Variants in TMCO5A observed in about 807,000 individuals in gnomAD.
The protein encoded by TMCO5A is transmembrane and coiled-coil domains 5A, also known as transmembrane and coiled-coil domain-containing protein 5A.
Under a neutral mutation model 42.3 loss-of-function variants are expected in TMCO5A, and 34 were observed. That is an observed-to-expected ratio of 0.80 (90% CI 0.61 to 1.07). The LOEUF is 1.07. Among genes scored for constraint, TMCO5A ranks in the 50% least tolerant of loss-of-function variants. The pLI, the probability that TMCO5A is intolerant of heterozygous loss-of-function variation, is 0.00. For synonymous variants in TMCO5A, 131 were observed against 115.6 expected (o/e 1.13, Z -0.86); for missense variants, 357 against 327.9 (o/e 1.09, Z -0.69).
chr15:37,989,935 A>G, the TMCO5A span, among the ~76,000 whole-genome samples: 1 of 152,100 alleles, frequency 6.6e-6, no homozygotes, highest in Non-Finnish European at 1.5e-5. Context: ...CCACTTCTCA[A>G]CACTGCCAAG....
At chr15:37,940,418 C>T (rs1008391968) in intron 6 of TMCO5A, among the ~76,000 whole-genome samples, 1 of 152,174 alleles carries the variant, frequency 6.6e-6, no homozygotes, top group African/African-American at 2.4e-5. Flanking sequence ...GAACATATTT[C>T]TTCCAAATCT....
intron 11 of TMCO5A, among the ~76,000 whole-genome samples, chr15:37,961,396 C>T (rs571992778): frequency 6.6e-6 from 1 of 152,224 alleles, no homozygotes; most frequent in Admixed American, 6.5e-5. Context: ...TTCCATTGGT[C>T]TATGTGCCTA....
intron 11 of TMCO5A, among the ~76,000 whole-genome samples, chr15:37,950,562 T>C (rs1164485507): frequency 6.6e-6 from 1 of 152,156 alleles, no homozygotes; most frequent in Non-Finnish European, 1.5e-5. Flanking sequence ...CCAATAAACC[T>C]ATAACAGATG....
intron 6 of TMCO5A, among the ~76,000 whole-genome samples, chr15:37,940,694 C>T (rs1889701027): frequency 6.6e-6 from 1 of 152,076 alleles, no homozygotes; most frequent in South Asian, 2.1e-4. Context: ...CCACCTGATA[C>T]ACACATGCTT....
At chr15:37,999,897 T>C in the TMCO5A span, among the ~76,000 whole-genome samples, 1 of 152,204 alleles carries the variant, frequency 6.6e-6, no homozygotes, top group Non-Finnish European at 1.5e-5. Context: ...CTGAATGATC[T>C]GTCTAATGTG....
At chr15:37,955,040 G>C (rs1043197890), downstream of TMCO5A, among the ~76,000 whole-genome samples, 4 of 151,686 alleles carry the variant, frequency 2.6e-5, no homozygotes, top group Non-Finnish European at 4.4e-5. Flanking sequence ...AGAAGGAAGA[G>C]AAGACCACAA....
intron 1 of TMCO5A, among the ~76,000 whole-genome samples, chr15:37,934,947 T>C (rs1889462265): frequency 6.6e-6 from 1 of 152,170 alleles, no homozygotes. Flanking sequence ...TATCTCTATT[T>C]CTTTATATTG....
chr15:37,998,385 G>A, the TMCO5A span, among the ~76,000 whole-genome samples: 4 of 152,182 alleles, frequency 2.6e-5, no homozygotes, highest in Non-Finnish European at 5.9e-5. Flanking sequence ...TATATAGCAA[G>A]AGATAGGGAT....
chr15:38,003,369 A>C, the TMCO5A span, among the ~76,000 whole-genome samples: 1 of 152,254 alleles, frequency 6.6e-6, no homozygotes, highest in South Asian at 2.1e-4. Flanking sequence ...GGTCTCACTC[A>C]AGGCCCGCAG....
chr15:37,983,390 A>G, the TMCO5A span, among the ~76,000 whole-genome samples: 1 of 152,240 alleles, frequency 6.6e-6, no homozygotes, highest in African/African-American at 2.4e-5. Context: ...ATATGCCTGT[A>G]TCTGGCCCCA....
chr15:38,016,170 A>T, the TMCO5A span, among the ~76,000 whole-genome samples: 1 of 152,180 alleles, frequency 6.6e-6, no homozygotes, highest in Non-Finnish European at 1.5e-5. Flanking sequence ...GGCAGGGGCT[A>T]TATGGGAAAT....
chr15:37,977,028 T>C, the TMCO5A span, among the ~76,000 whole-genome samples: 30 of 152,118 alleles, frequency 2.0e-4, no homozygotes, highest in Non-Finnish European at 4.3e-4. Context: ...CACCTTGGCC[T>C]CCCAAAGTGC....
the TMCO5A span, chr15:37,994,478 A>T: frequency 6.6e-6 from 1 of 152,198 alleles, no homozygotes; most frequent in African/African-American, 2.4e-5. Context: ...GTTAAAAAAG[A>T]TTATGCTAAA....
the TMCO5A span, among the ~76,000 whole-genome samples, chr15:38,031,051 C>T: frequency 6.6e-6 from 1 of 152,136 alleles, no homozygotes; most frequent in Non-Finnish European, 1.5e-5. Flanking sequence ...CATATCCTGG[C>T]ATATCAAAGC....
intron 5 of TMCO5A, 45 bp from the exon 6 acceptor site, chr15:37,938,113 C>T (rs1343882987): frequency 6.7e-7 from 1 of 1,499,166 alleles, no homozygotes. Flanking sequence ...AAGTCTTTGC[C>T]TTCTACACCT....
chr15:37,994,262 C>T, the TMCO5A span, among the ~76,000 whole-genome samples: 1 of 152,020 alleles, frequency 6.6e-6, no homozygotes, highest in Non-Finnish European at 1.5e-5. Context: ...CCTCCATTAG[C>T]AGGCTTCCAG....
intron 8 of TMCO5A, among the ~76,000 whole-genome samples, 169 bp downstream of exon 8, chr15:37,941,899 T>C (rs1271590611): frequency 6.6e-6 from 1 of 152,076 alleles, no homozygotes. Context: ...ATCACTCTAT[T>C]TGTCTTTGTC....
intron 7 of TMCO5A, 83 bp from the exon 8 acceptor site, chr15:37,941,588 T>C: frequency 9.8e-7 from 1 of 1,016,628 alleles, no homozygotes; most frequent in Non-Finnish European, 1.6e-6. Context: ...ATTTAGGACC[T>C]GGGACCCAAG....
the TMCO5A span, among the ~76,000 whole-genome samples, chr15:37,977,550 G>C: frequency 6.6e-6 from 1 of 152,140 alleles, no homozygotes; most frequent in Non-Finnish European, 1.5e-5. Context: ...CAGTAGATAC[G>C]CTCTTGCTTA....
Sources: gnomAD v4.1 joint callset for allele counts (sites outside exome capture counted in the v4.1 genomes callset) on GRCh38, gnomAD v4.1.1 for gene constraint, MANE v1.5 for transcripts, NCBI Gene and HGNC (gene_info 2026-07-23, HGNC 2026-07-21) for gene names.